The following GAB2 variants were observed in gnomAD, a reference collection of about 807,000 sequenced individuals.
GAB2 encodes GRB2-associated-binding protein 2.
Under a neutral mutation model 65.5 loss-of-function variants are expected in GAB2, and 26 were observed. The observed-to-expected ratio is 0.40, with a 90% confidence interval of 0.29 to 0.55. GAB2 has a LOEUF of 0.55. Ranked by LOEUF, GAB2 falls within the 20% of genes least tolerant of loss-of-function variation. The probability of loss-of-function intolerance (pLI) is 0.53; values close to 1 mark genes in which losing one functional copy is unlikely to be tolerated. For missense variants in GAB2, 884 were observed against 875.8 expected (o/e 1.01, Z -0.12); for synonymous variants, 321 against 329.6 (o/e 0.97, Z 0.28).
chr11:78,401,658 C>A (rs756186736), intron 1 of GAB2, among the ~76,000 whole-genome samples: 3 of 150,812 alleles, frequency 2.0e-5, no homozygotes, highest in Admixed American at 6.6e-5. Context: ...AGTGTGTGTG[C>A]GTGTGTGTAT....
intron 2 of GAB2, among the ~76,000 whole-genome samples, chr11:78,266,245 G>A (rs1865872027): frequency 1.5e-5 from 2 of 136,598 alleles, no homozygotes; most frequent in African/African-American, 5.2e-5. Flanking sequence ...AAAATCATGT[G>A]GATATTTACT....
chr11:78,383,042 G>A (rs560502551), intron 1 of GAB2, among the ~76,000 whole-genome samples: 176 of 151,938 alleles, frequency 1.2e-3, no homozygotes, highest in African/African-American at 4.0e-3. Context: ...GGAGGCCAAG[G>A]CAGGTGGATC....
intron 1 of GAB2, among the ~76,000 whole-genome samples, chr11:78,322,520 A>G (rs904885888): frequency 6.6e-6 from 1 of 151,854 alleles, no homozygotes; most frequent in African/African-American, 2.4e-5. Flanking sequence ...TAAAGAGACA[A>G]CCTACAGAAT....
intron 2 of GAB2, among the ~76,000 whole-genome samples, chr11:78,262,127 G>A (rs186524894): frequency 2.6e-5 from 4 of 152,242 alleles, no homozygotes; most frequent in Non-Finnish European, 4.4e-5. Context: ...TAGTGTGGAT[G>A]GCTAGGCTAG....
chr11:78,301,684 A>G (rs946117543), intron 1 of GAB2, among the ~76,000 whole-genome samples: 3 of 152,224 alleles, frequency 2.0e-5, no homozygotes, highest in Non-Finnish European at 2.9e-5. Context: ...TGAGTCCAAC[A>G]TCAATTTTTA....
intron 1 of GAB2, chr11:78,392,361 A>G (rs917570174): frequency 6.6e-6 from 1 of 152,188 alleles, no homozygotes; most frequent in Non-Finnish European, 1.5e-5. Flanking sequence ...ATTGTTATCT[A>G]TTTTATCTAC....
chr11:78,286,681 G>C (rs1340137650), intron 1 of GAB2, among the ~76,000 whole-genome samples: 12 of 152,002 alleles, frequency 7.9e-5, no homozygotes. Flanking sequence ...ACAGCAAGAG[G>C]ATTACAGAAA....
At position 78,280,773 on chromosome 11, in the gene GAB2, C is replaced by A. The variant is rs1220408486; in HGVS notation, c.204G>T (p.Gln68His). 9.9e-6 allele frequency: 16 copies of A among 1,614,102 alleles called. No individual in the cohort carries two copies. Among genetic ancestry groups the A allele is most frequent in the Non-Finnish European group, 1.4e-5 (16 of 1,180,034 alleles). ...TGTTAAAGGTCAGGCCTGCATCTACCTGCTCACAGAAGTTCAGGTTGATGA... is the reference window on the plus strand; with the variant it reads ...TGTTAAAGGTCAGGCCTGCATCTACATGCTCACAGAAGTTCAGGTTGATGA... ...LRIINLNFCE[Q>H]VDAGLTFNKK... is the part of the protein sequence containing the mutation. The change falls in exon 2 of 10, where the codon CAG becomes CAT. Residue 68 changes from glutamine to histidine, a missense_variant. Coordinates refer to ENST00000361507, the MANE Select transcript of GAB2 (RefSeq NM_080491.3).
chr11:78,248,279 T>C (rs566081473), intron 3 of GAB2, among the ~76,000 whole-genome samples: 123 of 152,192 alleles, frequency 8.1e-4, no homozygotes, highest in Admixed American at 3.5e-3. Flanking sequence ...CAAGCAGAGA[T>C]GTTTCTACGT....
chr11:78,378,516 C>CATTCA (rs150894046), intron 1 of GAB2, among the ~76,000 whole-genome samples: 1,622 of 152,246 alleles, frequency 0.011, 24 homozygotes, highest in African/African-American at 0.036. Flanking sequence ...GTCAAGATCC[C>CATTCA]ATTCAATTCT....
chr11:78,337,649 T>A (rs1177378606), intron 1 of GAB2, among the ~76,000 whole-genome samples: 1 of 152,208 alleles, frequency 6.6e-6, no homozygotes, highest in Non-Finnish European at 1.5e-5. Context: ...TCCCCATCCC[T>A]ACCCTATCTC....
intron 1 of GAB2, among the ~76,000 whole-genome samples, chr11:78,331,536 C>T (rs1379757157): frequency 1.3e-5 from 2 of 152,080 alleles, no homozygotes; most frequent in Non-Finnish European, 2.9e-5. Flanking sequence ...TGAGCCACTG[C>T]GCCCAGCCCC....
chr11:78,270,164 TA>T (rs888954355), intron 2 of GAB2, among the ~76,000 whole-genome samples: 2 of 152,088 alleles, frequency 1.3e-5, no homozygotes, highest in African/African-American at 2.4e-5. Context: ...CCGTTTCTAC[TA>T]AAAATACAAA....
At chr11:78,260,158 G>A (rs1865692017) in intron 2 of GAB2, among the ~76,000 whole-genome samples, 1 of 152,180 alleles carries the variant, frequency 6.6e-6, no homozygotes, top group African/African-American at 2.4e-5. Flanking sequence ...GCAGTAACAT[G>A]AGATCCCATG....
rs929098135 is a variant in GAB2 at position 78,327,388 on chromosome 11, T to C, written c.76-46487A>G. ...GGAGGAGGAAAGTAATCAAGAGATG[T>C]TTCATATGAAAATAACAATATCTGC... On this transcript the variant is annotated intron_variant, in intron 1 of 9. Coordinates refer to ENST00000361507, the MANE Select transcript of GAB2 (RefSeq NM_080491.3). Among the ~76,000 whole-genome samples the C allele has an allele frequency of 8.5e-5, 13 of 152,170 alleles. 1 individual carries two copies. The highest frequency in any genetic ancestry group is 1.8e-4 in the Non-Finnish European group (12 of 68,032).
In GAB2 at chr11:78,223,447, G is replaced by C; in HGVS notation, c.1532C>G (p.Pro511Arg). 1 of 1,579,690 alleles carries C rather than the reference G, an allele frequency of 6.3e-7. No individual in the cohort carries two copies. Among genetic ancestry groups the C allele is most frequent in the Non-Finnish European group, 8.6e-7 (1 of 1,161,288 alleles). ...GPSRGSEIQP[P>R]PVNRNLKPDR... ...AGGTTTGAGGTTGCGGTTGACAGGG[G>C]GTGGCTGAATCTCACTTCCTCTGCT... Residue 511 changes from proline to arginine, a missense_variant, in exon 6 of 10, where the codon CCC becomes CGC. Pro to Arg is a moderately radical substitution (Grantham distance 103). Transcript: ENST00000361507.
At chr11:78,362,346 A>C (rs1856445175) in intron 1 of GAB2, among the ~76,000 whole-genome samples, 1 of 152,146 alleles carries the variant, frequency 6.6e-6, no homozygotes, top group East Asian at 1.9e-4. Flanking sequence ...TTATCTATTA[A>C]ATTTAAACAT....
chr11:78,407,748 AAAAG>A (rs765082283), intron 1 of GAB2, among the ~76,000 whole-genome samples: 66 of 129,888 alleles, frequency 5.1e-4, no homozygotes, highest in South Asian at 2.2e-3. Flanking sequence ...GAAAGAAAGA[AAAAG>A]AAAGAAAGAA....
chr11:78,289,708 A>AGC (rs1226225977), intron 1 of GAB2, among the ~76,000 whole-genome samples: 2 of 152,150 alleles, frequency 1.3e-5, no homozygotes, highest in African/African-American at 4.8e-5. Context: ...TAAGAGAGAG[A>AGC]AACAGCATGA....
Sources: allele counts gnomAD v4.1 joint callset (sites outside exome capture counted in the v4.1 genomes callset), GRCh38; gene constraint gnomAD v4.1.1; transcripts MANE v1.5; gene names NCBI Gene and HGNC (gene_info 2026-07-23, HGNC 2026-07-21).